The following TCF7L1 variants were observed in gnomAD, a reference collection of about 807,000 sequenced individuals.
The protein encoded by TCF7L1 is transcription factor 7-like 1.
In TCF7L1, 18 loss-of-function variants were observed where a neutral mutation model predicts 63.7. The observed-to-expected ratio is 0.28, with a 90% CI of 0.20 to 0.42. The LOEUF (loss-of-function observed/expected upper bound fraction) is 0.42, where lower values mean the gene tolerates loss of function less well. Ranked by LOEUF, TCF7L1 falls within the 10% of genes least tolerant of loss-of-function variation. The probability of loss-of-function intolerance (pLI) is 1.00; values close to 1 mark genes in which losing one functional copy is unlikely to be tolerated. For missense variants in TCF7L1, 654 were observed against 779.3 expected, an observed-to-expected ratio of 0.84 and a Z score of 1.91; for synonymous variants, 355 against 340.9, an observed-to-expected ratio of 1.04 and a Z score of -0.46.
At chr2:85,238,927 C>T (rs904530092) in intron 3 of TCF7L1, among the ~76,000 whole-genome samples, 4 of 151,868 alleles carry the variant, frequency 2.6e-5, no homozygotes, top group Non-Finnish European at 5.9e-5. Flanking sequence ...TCAAGCAGTT[C>T]TTCTGCCTGA....
intron 3 of TCF7L1, among the ~76,000 whole-genome samples, chr2:85,269,619 CTTAAATACTTAAATATT>C (rs1158695101): frequency 2.6e-5 from 4 of 152,154 alleles, no homozygotes; most frequent in Non-Finnish European, 4.4e-5. Context: ...AAAATACTGG[CTTAAATACTTAAATATT>C]TTAAATACTT....
At chr2:85,228,782 G>C (rs1362524261) in intron 3 of TCF7L1, among the ~76,000 whole-genome samples, 5 of 151,814 alleles carry the variant, frequency 3.3e-5, no homozygotes, top group Non-Finnish European at 7.4e-5. Context: ...TTGGGAGGCC[G>C]AGGCGGGCAG....
At chr2:85,237,192 G>A (rs1680211630) in intron 3 of TCF7L1, among the ~76,000 whole-genome samples, 1 of 152,166 alleles carries the variant, frequency 6.6e-6, no homozygotes, top group Non-Finnish European at 1.5e-5. Context: ...TAAGGTATTT[G>A]TTAGAACTCC....
intron 4 of TCF7L1, among the ~76,000 whole-genome samples, chr2:85,293,675 C>G (rs1257809595): frequency 1.3e-5 from 2 of 152,198 alleles, no homozygotes; most frequent in African/African-American, 4.8e-5. Context: ...AAACACATGG[C>G]TACATCCTGA....
At chr2:85,201,845 C>T (rs1438469514) in intron 3 of TCF7L1, among the ~76,000 whole-genome samples, 2 of 152,258 alleles carry the variant, frequency 1.3e-5, no homozygotes, top group East Asian at 3.9e-4. Context: ...TTTACCTTTT[C>T]CTGATGGCTA....
At chr2:85,148,655 G>T (rs1414940598) in intron 3 of TCF7L1, among the ~76,000 whole-genome samples, 1 of 151,848 alleles carries the variant, frequency 6.6e-6, no homozygotes, top group Non-Finnish European at 1.5e-5. Flanking sequence ...GATATAAAAA[G>T]AAATTAGAAA....
chr2:85,210,518 A>G (rs1208303934), intron 3 of TCF7L1, among the ~76,000 whole-genome samples: 1 of 152,206 alleles, frequency 6.6e-6, no homozygotes, highest in Non-Finnish European at 1.5e-5. Context: ...TACCTGGAAA[A>G]CCCAAGAGAG....
intron 3 of TCF7L1, among the ~76,000 whole-genome samples, chr2:85,183,056 C>T (rs1283936505): frequency 6.6e-6 from 1 of 152,130 alleles, no homozygotes; most frequent in African/African-American, 2.4e-5. Flanking sequence ...CACAATGGCC[C>T]CACTTCACTC....
chr2:85,239,481 G>A (rs1680276346), intron 3 of TCF7L1, among the ~76,000 whole-genome samples: 1 of 152,170 alleles, frequency 6.6e-6, no homozygotes, highest in South Asian at 2.1e-4. Context: ...AACCCATCAT[G>A]CCCTGGAAGA....
intron 3 of TCF7L1, among the ~76,000 whole-genome samples, chr2:85,275,545 C>G (rs1041638293): frequency 3.9e-5 from 6 of 152,174 alleles, no homozygotes; most frequent in African/African-American, 1.4e-4. Flanking sequence ...CCTCTGCTAC[C>G]AGTGCATGGG....
intron 3 of TCF7L1, among the ~76,000 whole-genome samples, chr2:85,216,660 G>A (rs1042345817): frequency 6.6e-6 from 1 of 152,096 alleles, no homozygotes; most frequent in Non-Finnish European, 1.5e-5. Flanking sequence ...AAGAATGCCT[G>A]GTGTGTGTGC....
chr2:85,283,264 G>A (rs773071138), intron 3 of TCF7L1, among the ~76,000 whole-genome samples: 1 of 75,172 alleles, frequency 1.3e-5, no homozygotes, highest in African/African-American at 8.3e-5. Context: ...TGTCATTCGT[G>A]TCCCCCCCCC....
chr2:85,252,947 T>C (rs1680630750), intron 3 of TCF7L1, among the ~76,000 whole-genome samples: 1 of 152,214 alleles, frequency 6.6e-6, no homozygotes, highest in African/African-American at 2.4e-5. Flanking sequence ...TGCTTTACTT[T>C]AGGAAATTTT....
chr2:85,259,505 T>A (rs1347303061), intron 3 of TCF7L1, among the ~76,000 whole-genome samples: 2 of 152,218 alleles, frequency 1.3e-5, no homozygotes, highest in African/African-American at 4.8e-5. Flanking sequence ...TGAAAGAATC[T>A]GAGTTTGTCT....
At chr2:85,284,420 A>G (rs1181197140) in intron 4 of TCF7L1, among the ~76,000 whole-genome samples, 1 of 152,202 alleles carries the variant, frequency 6.6e-6, no homozygotes, top group Non-Finnish European at 1.5e-5. Context: ...TGGCAATACC[A>G]GCTGGAAAGG....
chr2:85,292,568 T>C (rs1681752580), intron 4 of TCF7L1, among the ~76,000 whole-genome samples: 2 of 152,198 alleles, frequency 1.3e-5, no homozygotes, highest in South Asian at 4.1e-4. Context: ...ATGTCTTAAG[T>C]TAGCTATTTC....
chr2:85,185,829 A>G (rs1350017581), intron 3 of TCF7L1, among the ~76,000 whole-genome samples: 1 of 152,114 alleles, frequency 6.6e-6, no homozygotes, highest in African/African-American at 2.4e-5. Flanking sequence ...CTGTGCGGGT[A>G]GCCCCATGTT....
chr2:85,209,288 C>T (rs1038617211), intron 3 of TCF7L1, among the ~76,000 whole-genome samples: 1 of 152,214 alleles, frequency 6.6e-6, no homozygotes, highest in Non-Finnish European at 1.5e-5. Flanking sequence ...GTTCACCTTC[C>T]TTTGCCTGCA....
chr2:85,153,793 T>C (rs1055674932), intron 3 of TCF7L1, among the ~76,000 whole-genome samples: 3 of 152,250 alleles, frequency 2.0e-5, no homozygotes, highest in Admixed American at 2.0e-4. Flanking sequence ...CACCATTCTT[T>C]GCACACAAAG....
Sources: gnomAD v4.1 joint callset for allele counts (sites outside exome capture counted in the v4.1 genomes callset) on GRCh38, gnomAD v4.1.1 for gene constraint, MANE v1.5 for transcripts, NCBI Gene and HGNC (gene_info 2026-07-23, HGNC 2026-07-21) for gene names.